Variants in MEA1 observed in about 807,000 individuals in gnomAD.
The protein encoded by MEA1 is male-enhanced antigen 1.
MEA1 carries 22 observed loss-of-function variants against 21.4 expected under a neutral mutation model. The ratio of observed to expected loss-of-function variants is 1.03; its 90% CI spans 0.73 to 1.47. MEA1 has a LOEUF of 1.47. Ranked by LOEUF, MEA1 falls within the 40% of genes most tolerant of loss-of-function variation. The probability of loss-of-function intolerance (pLI) is 0.00; values close to 1 mark genes in which losing one functional copy is unlikely to be tolerated. For missense variants in MEA1, 233 were observed against 230.5 expected, an observed-to-expected ratio of 1.01 and a Z score of -0.07; for synonymous variants, 91 against 85.5, an observed-to-expected ratio of 1.06 and a Z score of -0.35.
chr6:43,014,050 G>A (rs1762489360), upstream of MEA1: 11 of 1,424,460 alleles, frequency 7.7e-6, no homozygotes, highest in Non-Finnish European at 8.2e-6. Context: ...AAAAAACAAA[G>A]GACTGCATTA....
chr6:43,013,525 G>A, intron 1 of MEA1, 136 bp from the exon 2 acceptor site: 4 of 992,396 alleles, frequency 4.0e-6, no homozygotes, highest in Non-Finnish European at 5.9e-6. Flanking sequence ...CCACCCCTCC[G>A]CCCCAATTCC....
At position 43,012,454 on chromosome 6, in the gene MEA1, G is replaced by A. The variant is rs1282365426; in HGVS notation, c.*16C>T. 6.3e-7 allele frequency: 1 copy of A among 1,581,214 alleles called. No individual in the cohort carries two copies. Among genetic ancestry groups the A allele is most frequent in the Admixed American group, 1.9e-5 (1 of 52,792 alleles). On this transcript the variant is annotated 3_prime_UTR_variant, in exon 4 of 4. Coordinates refer to ENST00000244711, the MANE Select transcript of MEA1 (RefSeq NM_014623.4). Reference sequence around the variant, plus strand: ...CTGGCCTGGAATGTAGGAATATAAGGCAGCTCTCACTGTGGTCACTTCCAG... The same window carrying A: ...CTGGCCTGGAATGTAGGAATATAAGACAGCTCTCACTGTGGTCACTTCCAG...
chr6:43,011,441 C>G lies in MEA1; in HGVS notation c.*1029G>C. On this transcript the variant is annotated 3_prime_UTR_variant, in exon 4 of 4. Coordinates refer to ENST00000244711, the MANE Select transcript of MEA1 (RefSeq NM_014623.4). ...ATGTGGGCACTTGAAGCAGGGACAC[C>G]CACAGAATGGTCCCTCTTCTCCCCA... 1 of 1,013,282 alleles carries G rather than the reference C, an allele frequency of 9.9e-7. No homozygotes were observed. The highest frequency in any genetic ancestry group is 1.4e-6 in the Non-Finnish European group (1 of 704,796). The allele number at this position is 1,013,282 out of a possible 1,614,324, so 62.8% of individuals were successfully genotyped here.
upstream of MEA1, among the ~76,000 whole-genome samples, chr6:43,014,913 G>A (rs1381619600): frequency 6.6e-6 from 1 of 152,184 alleles, no homozygotes; most frequent in African/African-American, 2.4e-5. Context: ...GTTTGAAAAT[G>A]CTTGGTGGTG....
At position 43,012,224 on chromosome 6, in the gene MEA1, G is replaced by C; in HGVS notation, c.*246C>G. ...CAGGTTCCAGGGGCGCAGGCAGTGC[G>C]GCTTTTGGCTGTGTACATAGGGTGC... is the stretch of plus-strand genomic sequence containing the variant. On this transcript the variant is annotated 3_prime_UTR_variant, in exon 4 of 4. Coordinates refer to ENST00000244711, the MANE Select transcript of MEA1 (RefSeq NM_014623.4). 8.5e-7 allele frequency: 1 copy of C among 1,180,888 alleles called. No individual in the cohort carries two copies. The highest frequency in any genetic ancestry group is 1.0e-6 in the Non-Finnish European group (1 of 953,784). 73.2% of individuals were successfully genotyped at this position (1,180,888 alleles called of 1,614,324 possible). A position where few individuals can be genotyped will look rare whatever the true frequency, so the allele number is the denominator to read the frequency against.
rs543546285 is a variant in MEA1, at chr6:43,012,907, TGAAA to T, written c.406+15_406+18del. The T allele has an allele frequency of 1.8e-4, 291 of 1,603,366 alleles. No individual in the cohort carries two copies. In the African/African-American group the frequency reaches 3.4e-3, roughly 18 times the overall value. ...CATTTCCTTAGTAATTATTCCAGAATGAAAGAATGATCTTTTACCTGGGTCCATG... is the reference window on the plus strand; with the variant it reads ...CATTTCCTTAGTAATTATTCCAGAATGAATGATCTTTTACCTGGGTCCATG... On this transcript the variant is annotated intron_variant, in intron 3 of 3. Coordinates refer to ENST00000244711, the MANE Select transcript of MEA1 (RefSeq NM_014623.4).
chr6:43,012,757 C>T (rs1441261312), intron 3 of MEA1, 136 bp from the exon 4 acceptor site: 2 of 1,248,840 alleles, frequency 1.6e-6, no homozygotes, highest in Non-Finnish European at 2.2e-6. Context: ...CAAGCCTGCC[C>T]ATCCCCAAAG....
At chr6:43,013,624 C>A in intron 1 of MEA1, 162 bp downstream of exon 1, 1 of 861,140 alleles carries the variant, frequency 1.2e-6, no homozygotes, top group South Asian at 1.6e-5. Flanking sequence ...GTTAAACGCC[C>A]AACCGGAGGC....
At position 43,012,149 on chromosome 6, in the gene MEA1, T is replaced by C. The variant is rs1348320403; in HGVS notation, c.*321A>G. 2.0e-6 allele frequency: 2 copies of C among 1,022,594 alleles called. No individual in the cohort carries two copies. Among genetic ancestry groups the C allele is most frequent in the Non-Finnish European group, 1.2e-6 (1 of 843,346 alleles). 63.3% of individuals were successfully genotyped at this position (1,022,594 alleles called of 1,614,324 possible). On this transcript the variant is annotated 3_prime_UTR_variant, in exon 4 of 4. Transcript: ENST00000244711. ...GTGCTATGCTGGGCAGGCCTTCTCT[T>C]GTCCCTTATAGGTACCTTGGAGGGG...
rs780016311 is a variant in MEA1 at position 43,013,092 on chromosome 6, G to A, written c.303+23C>T. The A allele has an allele frequency of 5.6e-6, 9 of 1,614,006 alleles. No homozygotes were observed. The South Asian group carries it at 9.9e-5, about 18-fold the overall frequency. ...AGGGAGCCCAGCTTCACCTGTTCAG[G>A]AACCATCCCTCCTCCACCCTACCTG... On this transcript the variant is annotated intron_variant, in intron 2 of 3. Coordinates refer to ENST00000244711, the MANE Select transcript of MEA1 (RefSeq NM_014623.4).
intron 2 of MEA1, 21 bp from the exon 3 acceptor site, chr6:43,013,049 G>T: frequency 6.2e-7 from 1 of 1,613,878 alleles, no homozygotes; most frequent in Non-Finnish European, 8.5e-7. Flanking sequence ...ACAGAAGACC[G>T]TTTGGGTCTA....
At position 43,013,889 on chromosome 6, in the gene MEA1, G is replaced by A. The variant is rs1237782153; in HGVS notation, c.-76C>T. 1.1e-4 allele frequency: 149 copies of A among 1,398,200 alleles called. No homozygotes were observed. The highest frequency in any genetic ancestry group is 1.4e-4 in the Non-Finnish European group (147 of 1,062,160). 86.6% of individuals were successfully genotyped at this position (1,398,200 alleles called of 1,614,324 possible). A position where few individuals can be genotyped will look rare whatever the true frequency, so the allele number is the denominator to read the frequency against. On this transcript the variant is annotated 5_prime_UTR_variant, in exon 1 of 4. Transcript: ENST00000244711. ...CGAATCCCGGCGCCGGTGTTCCCGC[G>A]CGCCTCACCCGCTCAGAGCCCGCGG... is the stretch of plus-strand genomic sequence containing the variant.
rs533246378 is a variant in MEA1 at position 43,013,862 on chromosome 6, T to G, written c.-49A>C. 92 of 801,838 alleles carry G rather than the reference T, an allele frequency of 1.1e-4. 3 individuals are homozygous for G. In the South Asian group the frequency reaches 1.4e-3, roughly 12 times the overall value. The allele number at this position is 801,838 out of a possible 1,614,324, so 49.7% of individuals were successfully genotyped here. ...CTGCAGCGTCCCCCACCCGCCCCCATCCGAATCCCGGCGCCGGTGTTCCCG... is the reference window on the plus strand; with the variant it reads ...CTGCAGCGTCCCCCACCCGCCCCCAGCCGAATCCCGGCGCCGGTGTTCCCG... On this transcript the variant is annotated 5_prime_UTR_variant, in exon 1 of 4. The change abolishes an upstream ATG in the 5' untranslated region. Transcript: ENST00000244711.
chr6:43,012,496 G>T lies in MEA1; in HGVS notation c.532C>A (p.Arg178=), dbSNP rs765010140. 3.1e-6 allele frequency: 5 copies of T among 1,602,600 alleles called. No individual in the cohort carries two copies. The East Asian group carries it at 8.9e-5, about 29-fold the overall frequency. Residue 178 remains arginine, a synonymous_variant, in exon 4 of 4, where the codon CGG becomes AGG. Transcript: ENST00000244711. ...EDVVQKALQA[R]QASPAWK ...CACTTCCAGGCAGGGGATGCCTGCC[G>T]GGCTTGGAGGGCTTTCTGTACCACA...
At position 43,012,941 on chromosome 6, in the gene MEA1, T is replaced by A. The variant is rs1372138346; in HGVS notation, c.391A>T (p.Ile131Phe). 3 of 1,613,940 alleles carry A rather than the reference T, an allele frequency of 1.9e-6. No homozygotes were observed. The highest frequency in any genetic ancestry group is 3.3e-5 in the Admixed American group (2 of 60,030). ...GATALNNHSSIPMDPEHVELV... is the reference protein window; with the variant it reads ...GATALNNHSSFPMDPEHVELV... ...GATCTTTTACCTGGGTCCATGGGAA[T>A]AGAGCTGTGGTTGTTCAACGCTGTA... is the stretch of plus-strand genomic sequence containing the variant. The change falls in exon 3 of 4, where the codon ATT becomes TTT. Residue 131 changes from isoleucine to phenylalanine, a missense_variant. Ile to Phe is a conservative substitution (Grantham distance 21). Transcript: ENST00000244711.
upstream of MEA1, among the ~76,000 whole-genome samples, chr6:43,014,895 TAGA>T (rs1211781583): frequency 1.3e-5 from 2 of 151,966 alleles, no homozygotes; most frequent in African/African-American, 2.4e-5. Flanking sequence ...ATTAAGGGAA[TAGA>T]AGAAGTTTGA....
chr6:43,011,425 C>A lies in MEA1; in HGVS notation c.*1045G>T. The A allele has an allele frequency of 8.3e-7, 1 of 1,199,774 alleles. No homozygotes were observed. The allele number at this position is 1,199,774 out of a possible 1,614,324, so 74.3% of individuals were successfully genotyped here. ...TACTCAAGGGAGGGGGATGTGGGCA[C>A]TTGAAGCAGGGACACCCACAGAATG... is the stretch of plus-strand genomic sequence containing the variant. On this transcript the variant is annotated 3_prime_UTR_variant, in exon 4 of 4. Transcript: ENST00000244711.
chr6:43,015,906 G>T (rs1581875076), upstream of MEA1, among the ~76,000 whole-genome samples: 1 of 142,734 alleles, frequency 7.0e-6, no homozygotes, highest in South Asian at 2.2e-4. Flanking sequence ...TCTTTCTCTT[G>T]TCCTGCCCAA....
upstream of MEA1, chr6:43,014,384 A>AGG (rs1561857369): frequency 2.2e-6 from 1 of 444,484 alleles, no homozygotes; most frequent in African/African-American, 2.3e-5. Flanking sequence ...AGGGAGAATT[A>AGG]GGGGGCTTAG....
Sources: gnomAD v4.1 joint callset for allele counts (sites outside exome capture counted in the v4.1 genomes callset) on GRCh38, gnomAD v4.1.1 for gene constraint, MANE v1.5 for transcripts, NCBI Gene and HGNC (gene_info 2026-07-23, HGNC 2026-07-21) for gene names.